Variants in MCTP1 observed in about 807,000 individuals in gnomAD.
MCTP1 encodes multiple C2 and transmembrane domain-containing protein 1.
MCTP1 carries 69 observed loss-of-function variants against 120.6 expected under a neutral mutation model. The observed-to-expected ratio is 0.57, with a 90% confidence interval of 0.47 to 0.70. The LOEUF is 0.70. MCTP1 is among the 30% of genes least tolerant of loss of function. The pLI is 0.00. For missense variants in MCTP1, 1,203 were observed against 1,248.8 expected (o/e 0.96, Z 0.55); for synonymous variants, 529 against 493.1 (o/e 1.07, Z -0.96).
At chr5:95,257,853 C>T (rs78861066) in intron 1 of MCTP1, among the ~76,000 whole-genome samples, 842 of 74,578 alleles carry the variant, frequency 0.011, 6 homozygotes, top group East Asian at 0.098. Context: ...ATCAAAGGGG[C>T]ACTGGGTCGA....
chr5:95,172,122 C>A (rs1224977559), intron 1 of MCTP1, among the ~76,000 whole-genome samples: 1 of 152,158 alleles, frequency 6.6e-6, no homozygotes, highest in African/African-American at 2.4e-5. Context: ...AGTTTTCCTT[C>A]TAACAGTCAG....
chr5:94,863,935 T>C (rs1019265387), intron 17 of MCTP1, among the ~76,000 whole-genome samples: 1 of 151,822 alleles, frequency 6.6e-6, no homozygotes, highest in Non-Finnish European at 1.5e-5. Context: ...TGGGAGTAAC[T>C]GTTGTCCCGA....
chr5:94,735,982 G>C (rs978216779), intron 19 of MCTP1, among the ~76,000 whole-genome samples: 3 of 152,154 alleles, frequency 2.0e-5, no homozygotes, highest in African/African-American at 7.2e-5. Context: ...GACAGACCTT[G>C]GTTTCAACCC....
chr5:95,106,412 C>T (rs115327412), intron 1 of MCTP1, among the ~76,000 whole-genome samples: 47 of 152,252 alleles, frequency 3.1e-4, no homozygotes, highest in African/African-American at 1.1e-3. Context: ...GGAGAGCAGA[C>T]CCCAGAGCAG....
chr5:94,739,784 C>T (rs990161139), intron 19 of MCTP1, among the ~76,000 whole-genome samples: 5 of 152,180 alleles, frequency 3.3e-5, no homozygotes, highest in African/African-American at 1.2e-4. Context: ...CCTGCCTCAC[C>T]ACTCTCCCGA....
Position 94,889,750 on chromosome 5 carries a change from CCACA to C in MCTP1, c.1840-782_1840-779del, listed in dbSNP as rs750983646. Among the ~76,000 whole-genome samples the C allele has an allele frequency of 2.2e-3, 315 of 145,692 alleles. 1 individual carries two copies. The highest frequency in any genetic ancestry group is 5.1e-3 in the East Asian group (25 of 4,928). On this transcript the variant is annotated intron_variant, in intron 11 of 22. Coordinates refer to ENST00000515393, the MANE Select transcript of MCTP1 (RefSeq NM_024717.7). ...ACCCTTCCACCCTCATGAATGTACA[CCACA>C]CACACACACACACACACACACACAC...
At chr5:95,013,945 G>A (rs1263057761) in intron 2 of MCTP1, among the ~76,000 whole-genome samples, 1 of 151,976 alleles carries the variant, frequency 6.6e-6, no homozygotes, top group East Asian at 1.9e-4. Context: ...CTGGAAAGGA[G>A]TCATCATTCT....
intron 19 of MCTP1, among the ~76,000 whole-genome samples, chr5:94,759,529 T>C (rs1376656881): frequency 1.3e-5 from 2 of 152,198 alleles, no homozygotes; most frequent in Non-Finnish European, 2.9e-5. Flanking sequence ...AATAGTAACA[T>C]TAAAAAGGGT....
intron 1 of MCTP1, among the ~76,000 whole-genome samples, chr5:95,050,367 C>T (rs1002841074): frequency 6.6e-6 from 1 of 152,064 alleles, no homozygotes; most frequent in African/African-American, 2.4e-5. Context: ...GAAATTATAA[C>T]TTAGCTGGGA....
At chr5:94,891,773 AATAAAT>A (rs1049230901) in intron 11 of MCTP1, among the ~76,000 whole-genome samples, 2 of 150,874 alleles carry the variant, frequency 1.3e-5, no homozygotes, top group African/African-American at 4.9e-5. Flanking sequence ...TAAATAAATA[AATAAAT>A]AAATAAATAT....
intron 1 of MCTP1, among the ~76,000 whole-genome samples, chr5:95,027,160 T>C (rs1465844640): frequency 1.3e-5 from 2 of 152,220 alleles, no homozygotes; most frequent in Non-Finnish European, 2.9e-5. Flanking sequence ...TTAAGTGACT[T>C]TAAAGACCTT....
At chr5:95,029,831 C>T (rs1210662824) in intron 1 of MCTP1, among the ~76,000 whole-genome samples, 1 of 152,178 alleles carries the variant, frequency 6.6e-6, no homozygotes, top group East Asian at 1.9e-4. Context: ...ACTGATTGTA[C>T]ACTTGTGGTG....
chr5:94,852,932 C>T (rs1794032472), intron 17 of MCTP1, among the ~76,000 whole-genome samples: 1 of 152,032 alleles, frequency 6.6e-6, no homozygotes. Flanking sequence ...TGATCTTTGG[C>T]ATTGTTCACT....
At position 95,283,906 on chromosome 5, in the gene MCTP1, G is replaced by C. The variant is rs1241190659; in HGVS notation, c.670C>G (p.Pro224Ala). The C allele has an allele frequency of 1.4e-6, 2 of 1,391,856 alleles. No individual in the cohort carries two copies. The highest frequency in any genetic ancestry group is 9.2e-7 in the Non-Finnish European group (1 of 1,081,826). The allele number at this position is 1,391,856 out of a possible 1,614,324, so 86.2% of individuals were successfully genotyped here. ...PPPPAEPARS[P>A]AESRAPETGE... ...GTCTCCGGGGCCCGAGACTCCGCGG[G>C]ACTCCGCGCCGGCTCTGCGGGAGGA... The change falls in exon 1 of 23, where the codon CCC (proline) becomes GCC (alanine). Residue 224 changes from proline to alanine, a missense_variant. Pro to Ala is a conservative substitution (Grantham distance 27). Coordinates refer to ENST00000515393, the MANE Select transcript of MCTP1 (RefSeq NM_024717.7).
chr5:95,007,907 T>C (rs954351855), intron 2 of MCTP1, among the ~76,000 whole-genome samples: 4 of 152,158 alleles, frequency 2.6e-5, no homozygotes, highest in Non-Finnish European at 4.4e-5. Context: ...GTGAATGAGA[T>C]TCTCTAAATC....
chr5:95,184,524 G>A (rs1433098337), intron 1 of MCTP1, among the ~76,000 whole-genome samples: 1 of 152,156 alleles, frequency 6.6e-6, no homozygotes, highest in East Asian at 1.9e-4. Context: ...CGGGTGTAGG[G>A]CAAACTAACT....
At chr5:94,708,997 C>T (rs1231023091) in intron 21 of MCTP1, 1 of 156,038 alleles carries the variant, frequency 6.4e-6, no homozygotes, top group East Asian at 1.9e-4. Flanking sequence ...ATTTGGTTTC[C>T]CCTTTTCCAA....
At chr5:94,887,247 G>A (rs1260791386) in intron 12 of MCTP1, among the ~76,000 whole-genome samples, 1 of 152,110 alleles carries the variant, frequency 6.6e-6, no homozygotes, top group African/African-American at 2.4e-5. Flanking sequence ...AATCCCCAGG[G>A]AAAAGGCTAT....
chr5:95,267,349 T>C (rs1027176760), intron 1 of MCTP1, among the ~76,000 whole-genome samples: 4 of 152,204 alleles, frequency 2.6e-5, no homozygotes, highest in Non-Finnish European at 5.9e-5. Context: ...ATCACTGAGC[T>C]TTATCTAATT....
Sources: allele counts gnomAD v4.1 joint callset (sites outside exome capture counted in the v4.1 genomes callset), GRCh38; gene constraint gnomAD v4.1.1; transcripts MANE v1.5; gene names NCBI Gene and HGNC (gene_info 2026-07-23, HGNC 2026-07-21).